PRDM1: variants seen among roughly 807,000 people sequenced by gnomAD.
The protein encoded by PRDM1 is PR/SET domain 1, also known as PR domain zinc finger protein 1.
In PRDM1, 13 loss-of-function variants were observed where a neutral mutation model predicts 62.8. That is an observed-to-expected ratio of 0.21 (90% confidence interval 0.13 to 0.33). PRDM1 has a LOEUF of 0.33. PRDM1 is among the 10% of genes least tolerant of loss of function. PRDM1 has a pLI of 1.00. For synonymous variants in PRDM1, 396 were observed against 417.6 expected, an observed-to-expected ratio of 0.95 and a Z score of 0.63; for missense variants, 895 against 1,058.8, an observed-to-expected ratio of 0.85 and a Z score of 2.15.
At chr6:106,014,864 T>C (rs773591514) in intron 1 of PRDM1, among the ~76,000 whole-genome samples, 15 of 152,148 alleles carry the variant, frequency 9.9e-5, no homozygotes, top group Non-Finnish European at 1.8e-4. Flanking sequence ...AAAAATAGTT[T>C]GGGAAGATGG....
In PRDM1 at chr6:106,108,731, T is replaced by C. The variant is rs1774592969; in HGVS notation, c.*1245T>C. 1 of 233,374 alleles carries C rather than the reference T, an allele frequency of 4.3e-6. No homozygotes were observed. Among genetic ancestry groups the C allele is most frequent in the Non-Finnish European group, 8.5e-6 (1 of 117,964 alleles). The allele number at this position is 233,374 out of a possible 1,614,324, so 14.5% of individuals were successfully genotyped here. ...GTATTTTTTCTGTAAAACTCAGATT[T>C]TCCTCAGTATTTGTGTTTTTACATT... On this transcript the variant is annotated 3_prime_UTR_variant, in exon 7 of 7. Transcript: ENST00000369096.
intron 1 of PRDM1, among the ~76,000 whole-genome samples, chr6:106,016,649 CTTT>C (rs71006665): frequency 2.2e-5 from 3 of 135,816 alleles, no homozygotes; most frequent in Admixed American, 7.6e-5. Context: ...TCTTTTCTCT[CTTT>C]TTTTTTTTTT....
chr6:106,018,294 T>C (rs1347711472), intron 1 of PRDM1, among the ~76,000 whole-genome samples: 1 of 152,220 alleles, frequency 6.6e-6, no homozygotes, highest in Non-Finnish European at 1.5e-5. Flanking sequence ...AAGTAGACCA[T>C]AATTTTTTAG....
intron 2 of PRDM1, among the ~76,000 whole-genome samples, chr6:106,093,571 G>A (rs538989549): frequency 1.3e-5 from 2 of 152,112 alleles, no homozygotes; most frequent in East Asian, 3.9e-4. Context: ...TAAATGATTT[G>A]CATGTCATAG....
chr6:106,103,421 G>C (rs1774334376), intron 4 of PRDM1, among the ~76,000 whole-genome samples: 1 of 152,242 alleles, frequency 6.6e-6, no homozygotes, highest in Admixed American at 6.5e-5. Context: ...TTGCACAAAG[G>C]CTTCAGCATG....
rs995211981 is a variant in PRDM1, at chr6:106,107,006, C to T, written c.1998C>T (p.Ala666=). The T allele has an allele frequency of 6.2e-7, 1 of 1,614,182 alleles. No individual in the cohort carries two copies. The highest frequency in any genetic ancestry group is 1.1e-5 in the South Asian group (1 of 91,088). The change falls in exon 7 of 7, where the codon GCC becomes GCT. Residue 666 remains alanine (A), a synonymous_variant. Transcript: ENST00000369096. The part of the protein sequence containing the change: ...EKPYQCKVCP[A]KFTQFVHLKL... ...CATACCAATGCAAGGTGTGCCCTGC[C>T]AAGTTCACCCAGTTTGTGCACCTGA...
chr6:105,995,620 G>C (rs1379206510), intron 1 of PRDM1, among the ~76,000 whole-genome samples: 1 of 152,046 alleles, frequency 6.6e-6, no homozygotes, highest in African/African-American at 2.4e-5. Flanking sequence ...AGACGATTGA[G>C]AACTTATGCT....
At chr6:106,097,168 T>C (rs904794988) in intron 3 of PRDM1, among the ~76,000 whole-genome samples, 5 of 152,242 alleles carry the variant, frequency 3.3e-5, no homozygotes, top group African/African-American at 1.2e-4. Flanking sequence ...CTTACAATGG[T>C]GGAACCATGA....
At chr6:106,007,381 G>C (rs1772496123) in intron 1 of PRDM1, among the ~76,000 whole-genome samples, 1 of 151,776 alleles carries the variant, frequency 6.6e-6, no homozygotes, top group Non-Finnish European at 1.5e-5. Context: ...AGTGAGCCGA[G>C]ATGGCGCCAC....
At chr6:106,016,428 A>G (rs1373117891) in intron 1 of PRDM1, among the ~76,000 whole-genome samples, 3 of 152,100 alleles carry the variant, frequency 2.0e-5, no homozygotes, top group African/African-American at 7.2e-5. Context: ...AGTAAGGGAC[A>G]TGTAGTATGT....
rs573760807 is a variant in PRDM1 at position 106,058,634 on chromosome 6, G to A, written c.-67+9920G>A. Among the ~76,000 whole-genome samples the A allele has an allele frequency of 3.2e-4, 49 of 152,152 alleles. 1 individual carries two copies. Among genetic ancestry groups the A allele is most frequent in the African/African-American group, 1.1e-3 (46 of 41,504 alleles). ...GTTGCCCAGGATGGAGTGCAGTGGC[G>A]CAATCTCGGCTCACCGCAACCTCTG... On this transcript the variant is annotated intron_variant, in intron 1 of 6. Transcript: ENST00000651185.
chr6:106,035,639 A>G (rs917803174), intron 1 of PRDM1, among the ~76,000 whole-genome samples: 2 of 151,936 alleles, frequency 1.3e-5, no homozygotes, highest in African/African-American at 2.4e-5. Context: ...TCTCAAAAAA[A>G]TTTAAAAAAA....
intron 1 of PRDM1, among the ~76,000 whole-genome samples, chr6:106,078,824 A>C (rs1773642558): frequency 6.6e-6 from 1 of 152,194 alleles, no homozygotes; most frequent in African/African-American, 2.4e-5. Context: ...ACTGCACTCC[A>C]GCTTGTGTGA....
chr6:106,078,441 TGTCCCCC>T (rs1773636511), intron 1 of PRDM1: 2 of 152,234 alleles, frequency 1.3e-5, no homozygotes, highest in Non-Finnish European at 2.9e-5. Flanking sequence ...TGAAAAAACA[TGTCCCCC>T]AAAATGACTG....
chr6:106,041,811 T>C (rs918250604), intron 1 of PRDM1, among the ~76,000 whole-genome samples: 1 of 67,716 alleles, frequency 1.5e-5, no homozygotes, highest in Non-Finnish European at 4.2e-5. Context: ...ATTTCTTTCT[T>C]TTTTTTTTTT....
chr6:106,020,344 G>A (rs1010991989), intron 1 of PRDM1, among the ~76,000 whole-genome samples: 2 of 151,850 alleles, frequency 1.3e-5, no homozygotes, highest in Non-Finnish European at 2.9e-5. Context: ...CCCTCACCCA[G>A]GCTAGAGGGC....
chr6:106,033,895 T>A (rs888169665), intron 1 of PRDM1, among the ~76,000 whole-genome samples: 3 of 152,118 alleles, frequency 2.0e-5, no homozygotes, highest in Non-Finnish European at 4.4e-5. Flanking sequence ...CAAGAGATTT[T>A]TTATTATTAT....
intron 2 of PRDM1, among the ~76,000 whole-genome samples, chr6:106,094,231 T>A (rs1426719671): frequency 6.6e-6 from 1 of 152,210 alleles, no homozygotes; most frequent in Non-Finnish European, 1.5e-5. Flanking sequence ...ATAAACATTA[T>A]CATCTATTAC....
intron 3 of PRDM1, chr6:106,098,234 G>A (rs1009476869): frequency 1.2e-5 from 12 of 985,236 alleles, no homozygotes; most frequent in Non-Finnish European, 1.4e-5. Flanking sequence ...ATTGTATAAG[G>A]AAATTTCTTA....
Sources: gnomAD v4.1 joint callset for allele counts (sites outside exome capture counted in the v4.1 genomes callset) on GRCh38, gnomAD v4.1.1 for gene constraint, MANE v1.5 for transcripts, NCBI Gene and HGNC (gene_info 2026-07-23, HGNC 2026-07-21) for gene names.